Variants in ARIH1 observed in about 807,000 individuals in gnomAD.
ARIH1 encodes the protein E3 ubiquitin-protein ligase ARIH1.
Under a neutral mutation model 85.0 loss-of-function variants are expected in ARIH1, and 8 were observed. The observed-to-expected ratio is 0.09, with a 90% CI of 0.06 to 0.17. ARIH1 has a LOEUF of 0.17. Ranked by LOEUF, ARIH1 falls within the 10% of genes least tolerant of loss-of-function variation. The probability of loss-of-function intolerance (pLI) is 1.00; values close to 1 mark genes in which losing one functional copy is unlikely to be tolerated. For synonymous variants in ARIH1, 238 were observed against 253.6 expected (o/e 0.94, Z 0.59); for missense variants, 311 against 718.1 (o/e 0.43, Z 6.48).
chr15:72,527,030 G>C (rs967328168), intron 2 of ARIH1, among the ~76,000 whole-genome samples: 2 of 151,986 alleles, frequency 1.3e-5, no homozygotes, highest in African/African-American at 4.8e-5. Flanking sequence ...TTCCATCTGG[G>C]TTTTGATACT....
Position 72,556,467 on chromosome 15 carries a change from A to T in ARIH1, c.737+560A>T, listed in dbSNP as rs558012901. Among the ~76,000 whole-genome samples, 6 of 152,318 alleles carry T rather than the reference A, an allele frequency of 3.9e-5. No homozygotes were observed. The South Asian group carries it at 1.2e-3, about 32-fold the overall frequency. On this transcript the variant is annotated intron_variant, in intron 5 of 13. Coordinates refer to ENST00000379887, the MANE Select transcript of ARIH1 (RefSeq NM_005744.5). ...ATATGCTCAGTTGTTGGCTGGGACT[A>T]CCCAGGGAGTCATGGTCTTTGCTGA...
intron 1 of ARIH1, among the ~76,000 whole-genome samples, chr15:72,505,935 C>T (rs944856442): frequency 1.3e-5 from 2 of 152,068 alleles, no homozygotes; most frequent in African/African-American, 2.4e-5. Flanking sequence ...GGGGTTTCAC[C>T]ATGTTGGCCA....
intron 1 of ARIH1, among the ~76,000 whole-genome samples, chr15:72,517,753 T>C (rs1317902240): frequency 6.6e-6 from 1 of 152,072 alleles, no homozygotes; most frequent in Admixed American, 6.6e-5. Flanking sequence ...TGTGCTGATG[T>C]GGCAGTCTGC....
Position 72,583,411 on chromosome 15 carries a change from G to A in ARIH1, c.*119G>A. 1 of 674,338 alleles carries A rather than the reference G, an allele frequency of 1.5e-6. No homozygotes were observed. The highest frequency in any genetic ancestry group is 2.2e-5 in the South Asian group (1 of 44,680). The allele number at this position is 674,338 out of a possible 1,614,324, so 41.8% of individuals were successfully genotyped here. On this transcript the variant is annotated 3_prime_UTR_variant, in exon 14 of 14. Transcript: ENST00000379887. ...CCTATTCTGACACCACTGGTCTGTAGTACCAGAATTGTTTTGTTAATGGAA... is the reference window on the plus strand; with the variant it reads ...CCTATTCTGACACCACTGGTCTGTAATACCAGAATTGTTTTGTTAATGGAA...
At chr15:72,532,656 C>T (rs553679255) in intron 2 of ARIH1, among the ~76,000 whole-genome samples, 15 of 152,244 alleles carry the variant, frequency 9.9e-5, no homozygotes, top group Non-Finnish European at 5.9e-5. Context: ...CATACACACA[C>T]GCACGCACAC....
intron 11 of ARIH1, 174 bp from the exon 12 acceptor site, chr15:72,580,557 A>G: frequency 1.6e-6 from 1 of 636,770 alleles, no homozygotes; most frequent in Non-Finnish European, 2.6e-6. Context: ...TCAACAGTGT[A>G]TCAAGAGTCT....
chr15:72,518,478 C>T (rs2063984763), intron 2 of ARIH1, among the ~76,000 whole-genome samples: 2 of 152,130 alleles, frequency 1.3e-5, no homozygotes, highest in South Asian at 4.1e-4. Context: ...GTAAGATCCT[C>T]CTTTAATTAC....
At chr15:72,547,233 C>CT (rs1283300205) in intron 3 of ARIH1, among the ~76,000 whole-genome samples, 167 of 20,288 alleles carry the variant, frequency 8.2e-3, no homozygotes, top group African/African-American at 9.2e-3. Context: ...GGCCTCTTTC[C>CT]TTTTCTCTTT....
chr15:72,548,092 T>G (rs995227573), intron 3 of ARIH1, among the ~76,000 whole-genome samples: 1 of 152,226 alleles, frequency 6.6e-6, no homozygotes, highest in Admixed American at 6.5e-5. Context: ...CCAGATAATT[T>G]GCAGGTTAGT....
At position 72,506,759 on chromosome 15, in the gene ARIH1, G is replaced by T. The variant is rs1053187721; in HGVS notation, c.376-11308G>T. Among the ~76,000 whole-genome samples the T allele has an allele frequency of 5.3e-5, 8 of 152,096 alleles. No homozygotes were observed. In the South Asian group the frequency reaches 1.7e-3, roughly 31 times the overall value. ...GGTGCCTCTAACCTGTTTAATTCTC[G>T]TTCAGATCAAATTCTGAAATAATAA... is the stretch of plus-strand genomic sequence containing the variant. On this transcript the variant is annotated intron_variant, in intron 1 of 13. Coordinates refer to ENST00000379887, the MANE Select transcript of ARIH1 (RefSeq NM_005744.5).
intron 7 of ARIH1, 165 bp from the exon 8 acceptor site, chr15:72,566,398 C>G (rs956735523): frequency 1.6e-6 from 1 of 630,640 alleles, no homozygotes. Context: ...CTACTAAATT[C>G]TAGGTAATTA....
At chr15:72,523,004 G>A (rs2064007280) in intron 2 of ARIH1, among the ~76,000 whole-genome samples, 1 of 152,200 alleles carries the variant, frequency 6.6e-6, no homozygotes, top group Admixed American at 6.5e-5. Flanking sequence ...TGTGGACCAG[G>A]ATGTGGAGCG....
Position 72,582,597 on chromosome 15 carries a change from A to ATT in ARIH1, c.1589+411_1589+412insTT, listed in dbSNP as rs1209417663. On this transcript the variant is annotated intron_variant, in intron 13 of 13. Transcript: ENST00000379887. This position sits in a 1 kb window ranked among gnomAD's most constrained non-coding sequence, Gnocchi z 4.6. ...GAGTTTTTATTACATATATATATATATATTTTTTTAATCTAAGGAGATACT... is the reference window on the plus strand; with the variant it reads ...GAGTTTTTATTACATATATATATATATTTATTTTTTTAATCTAAGGAGATACT... Among the ~76,000 whole-genome samples, 132 of 150,522 alleles carry ATT rather than the reference A, an allele frequency of 8.8e-4. No individual in the cohort carries two copies. The highest frequency in any genetic ancestry group is 2.8e-3 in the African/African-American group (115 of 40,526).
At chr15:72,529,857 T>C (rs1655325183) in intron 2 of ARIH1, among the ~76,000 whole-genome samples, 1 of 152,138 alleles carries the variant, frequency 6.6e-6, no homozygotes, top group Non-Finnish European at 1.5e-5. Flanking sequence ...TGGTTGGAAA[T>C]GTTTAATGCA....
intron 1 of ARIH1, among the ~76,000 whole-genome samples, chr15:72,498,374 A>G (rs1162091010): frequency 6.6e-6 from 1 of 152,220 alleles, no homozygotes; most frequent in African/African-American, 2.4e-5. Context: ...GGTATTTTCT[A>G]ATATAACCAT....
chr15:72,499,571 G>A (rs2063894525), intron 1 of ARIH1, among the ~76,000 whole-genome samples: 1 of 152,140 alleles, frequency 6.6e-6, no homozygotes, highest in South Asian at 2.1e-4. Flanking sequence ...ATCATTGAAT[G>A]TTTGTTTTTA....
rs1285163766 is a variant in ARIH1 at position 72,570,251 on chromosome 15, T to C, written c.1101T>C (p.Cys367=). 1 of 1,614,098 alleles carries C rather than the reference T, an allele frequency of 6.2e-7. No individual in the cohort carries two copies. The highest frequency in any genetic ancestry group is 8.5e-7 in the Non-Finnish European group (1 of 1,179,972). Residue 367 remains cysteine (C), a synonymous_variant, in exon 10 of 14, where the codon TGT becomes TGC. Coordinates refer to ENST00000379887, the MANE Select transcript of ARIH1 (RefSeq NM_005744.5). ...CNHMVCRNQN[C]KAEFCWVCLG... is the part of the protein sequence containing the mutation. ...ACATGGTCTGTCGTAACCAGAATTGTAAAGCAGAGTTTTGCTGGGTGTGTC... is the reference window on the plus strand; with the variant it reads ...ACATGGTCTGTCGTAACCAGAATTGCAAAGCAGAGTTTTGCTGGGTGTGTC...
chr15:72,533,019 A>C (rs1438673981), intron 2 of ARIH1, among the ~76,000 whole-genome samples: 1 of 152,254 alleles, frequency 6.6e-6, no homozygotes, highest in Non-Finnish European at 1.5e-5. Context: ...CAAGATGTGG[A>C]TATCGTATCT....
intron 2 of ARIH1, among the ~76,000 whole-genome samples, chr15:72,530,440 C>T (rs1002085501): frequency 6.6e-6 from 1 of 152,192 alleles, no homozygotes; most frequent in African/African-American, 2.4e-5. Context: ...AAATTGAATA[C>T]ACTAGCTCCT....
Sources: allele counts gnomAD v4.1 joint callset (sites outside exome capture counted in the v4.1 genomes callset), GRCh38; gene constraint gnomAD v4.1.1; non-coding constraint Gnocchi (gnomAD v3.1); transcripts MANE v1.5; gene names NCBI Gene and HGNC (gene_info 2026-07-23, HGNC 2026-07-21).